Variants in ZCCHC7 observed in about 807,000 individuals in gnomAD.
ZCCHC7 encodes zinc finger CCHC domain-containing protein 7.
ZCCHC7 carries 35 observed loss-of-function variants against 52.0 expected under a neutral mutation model. The observed-to-expected ratio is 0.67, with a 90% CI of 0.51 to 0.89. ZCCHC7 has a LOEUF of 0.89. ZCCHC7 is among the 40% of genes least tolerant of loss of function. The pLI is 0.00. For synonymous variants in ZCCHC7, 217 were observed against 221.5 expected (o/e 0.98, Z 0.18); for missense variants, 574 against 649.1 (o/e 0.88, Z 1.26).
intron 2 of ZCCHC7, among the ~76,000 whole-genome samples, chr9:37,265,979 C>A (rs566000178): frequency 2.0e-5 from 3 of 152,158 alleles, no homozygotes; most frequent in African/African-American, 7.2e-5. Context: ...TTCATCCCCT[C>A]CCCAAATCCC....
rs553608620 is a variant in ZCCHC7 at position 37,177,911 on chromosome 9, T to A, written c.610+50969T>A. On this transcript the variant is annotated intron_variant, in intron 2 of 8. Coordinates refer to ENST00000336755, the MANE Select transcript of ZCCHC7 (RefSeq NM_032226.3). ...CATGACAACTAAGTGTAATGTGGTA[T>A]CCTGGATAGAATTCTAGAACAGAAA... Among the ~76,000 whole-genome samples the A allele has an allele frequency of 2.0e-5, 3 of 152,306 alleles. No individual in the cohort carries two copies. In the South Asian group the frequency reaches 6.2e-4, roughly 32 times the overall value.
intron 2 of ZCCHC7, among the ~76,000 whole-genome samples, chr9:37,201,027 A>C (rs1823602845): frequency 6.6e-6 from 1 of 152,260 alleles, no homozygotes; most frequent in Non-Finnish European, 1.5e-5. Flanking sequence ...CTCCTGTGTA[A>C]CAGGGGCTAT....
intron 2 of ZCCHC7, among the ~76,000 whole-genome samples, chr9:37,221,969 CAG>C (rs1491053131): frequency 6.6e-6 from 1 of 151,594 alleles, no homozygotes; most frequent in African/African-American, 2.4e-5. Context: ...GCAAAAAAAA[CAG>C]AACCTTGGAA....
At chr9:37,168,897 C>T (rs559082457) in intron 2 of ZCCHC7, among the ~76,000 whole-genome samples, 2 of 152,214 alleles carry the variant, frequency 1.3e-5, no homozygotes, top group East Asian at 1.9e-4. Context: ...GAGTCACAGC[C>T]GTAATGACAG....
intron 2 of ZCCHC7, among the ~76,000 whole-genome samples, chr9:37,293,230 G>A (rs1203007121): frequency 6.6e-6 from 1 of 152,060 alleles, no homozygotes; most frequent in Non-Finnish European, 1.5e-5. Flanking sequence ...AAGATGTGAA[G>A]CAAATCTGAC....
intron 2 of ZCCHC7, among the ~76,000 whole-genome samples, chr9:37,242,455 G>A (rs1377251446): frequency 6.6e-6 from 1 of 151,772 alleles, no homozygotes; most frequent in Non-Finnish European, 1.5e-5. Flanking sequence ...TGATACTTGG[G>A]ATGGTGCTGT....
At chr9:37,276,572 T>C (rs1263549752) in intron 2 of ZCCHC7, among the ~76,000 whole-genome samples, 1 of 152,224 alleles carries the variant, frequency 6.6e-6, no homozygotes, top group East Asian at 1.9e-4. Context: ...AGTCCCTCAA[T>C]AGATGTTAAT....
chr9:37,277,577 G>A (rs1212528289), intron 2 of ZCCHC7, among the ~76,000 whole-genome samples: 2 of 152,182 alleles, frequency 1.3e-5, no homozygotes, highest in Non-Finnish European at 2.9e-5. Context: ...TCAACATTTA[G>A]AATAAAGAAA....
intron 6 of ZCCHC7, among the ~76,000 whole-genome samples, chr9:37,343,395 G>T (rs557745442): frequency 6.6e-6 from 1 of 152,218 alleles, no homozygotes; most frequent in East Asian, 1.9e-4. Context: ...CCATTTTGTA[G>T]GCCTCAGCCT....
intron 2 of ZCCHC7, among the ~76,000 whole-genome samples, chr9:37,155,087 G>A (rs879379841): frequency 6.6e-6 from 1 of 152,188 alleles, no homozygotes; most frequent in Non-Finnish European, 1.5e-5. Context: ...CGGGCGGGGT[G>A]TAGTGGCTCA....
At chr9:37,269,484 C>G (rs1363250140) in intron 2 of ZCCHC7, among the ~76,000 whole-genome samples, 1 of 151,440 alleles carries the variant, frequency 6.6e-6, no homozygotes, top group East Asian at 1.9e-4. Flanking sequence ...CTGAGTGTTG[C>G]AGTGCGTGCC....
chr9:37,148,629 AG>A (rs11325601), intron 2 of ZCCHC7, among the ~76,000 whole-genome samples: 2,087 of 152,280 alleles, frequency 0.014, 51 homozygotes, highest in African/African-American at 0.048. Flanking sequence ...CATAGATGAA[AG>A]ACATTTGTTA....
At chr9:37,283,244 A>G (rs555786572) in intron 2 of ZCCHC7, among the ~76,000 whole-genome samples, 5 of 152,296 alleles carry the variant, frequency 3.3e-5, no homozygotes, top group African/African-American at 1.2e-4. Flanking sequence ...AAAGATAGGT[A>G]GTCAATGTCT....
At chr9:37,218,951 T>G (rs1246134357) in intron 2 of ZCCHC7, among the ~76,000 whole-genome samples, 1 of 149,156 alleles carries the variant, frequency 6.7e-6, no homozygotes, top group African/African-American at 2.5e-5. Flanking sequence ...CATTTTTTTT[T>G]TTTTTTTTTT....
chr9:37,150,233 A>G (rs2132826444), intron 2 of ZCCHC7, among the ~76,000 whole-genome samples: 1 of 152,288 alleles, frequency 6.6e-6, no homozygotes, highest in South Asian at 2.1e-4. Flanking sequence ...ACACCACAGT[A>G]TTTTACTTTC....
intron 2 of ZCCHC7, among the ~76,000 whole-genome samples, chr9:37,223,000 CAT>C (rs973185446): frequency 9.9e-5 from 15 of 151,954 alleles, no homozygotes; most frequent in East Asian, 5.8e-4. Flanking sequence ...CATTCGTATA[CAT>C]ATATATATGT....
chr9:37,221,729 C>G (rs186646412), intron 2 of ZCCHC7, among the ~76,000 whole-genome samples: 11 of 152,146 alleles, frequency 7.2e-5, no homozygotes, highest in Non-Finnish European at 1.3e-4. Context: ...AATGATGGCT[C>G]TGTTGATTAA....
chr9:37,291,164 A>G (rs758547935), intron 2 of ZCCHC7, among the ~76,000 whole-genome samples: 23 of 152,338 alleles, frequency 1.5e-4, no homozygotes, highest in South Asian at 1.0e-3. Flanking sequence ...GGCAAATAGG[A>G]AATTGACAAA....
intron 2 of ZCCHC7, among the ~76,000 whole-genome samples, chr9:37,194,002 CACTCAA>C (rs1424191998): frequency 2.6e-5 from 4 of 152,166 alleles, no homozygotes; most frequent in Non-Finnish European, 5.9e-5. Flanking sequence ...TTCAGGTTCA[CACTCAA>C]ACTCAGACAT....
Sources: gnomAD v4.1 joint callset for allele counts (sites outside exome capture counted in the v4.1 genomes callset) on GRCh38, gnomAD v4.1.1 for gene constraint, MANE v1.5 for transcripts, NCBI Gene and HGNC (gene_info 2026-07-23, HGNC 2026-07-21) for gene names.